Variants in MCPH1 observed in about 807,000 individuals in gnomAD.
MCPH1 encodes the protein microcephalin 1.
In MCPH1, 104 loss-of-function variants were observed where a neutral mutation model predicts 84.5. The ratio of observed to expected loss-of-function variants is 1.23; its 90% confidence interval spans 1.05 to 1.45. MCPH1 has a LOEUF of 1.45. Among genes scored for constraint, MCPH1 ranks in the 40% most tolerant of loss-of-function variants. MCPH1 has a pLI of 0.00. For synonymous variants in MCPH1, 514 were observed against 366.8 expected, an observed-to-expected ratio of 1.40 and a Z score of -4.58; for missense variants, 1,498 against 1,005.7, an observed-to-expected ratio of 1.49 and a Z score of -6.62.
chr8:6,508,617 A>C, intron 12 of MCPH1: 1 of 488,618 alleles, frequency 2.0e-6, no homozygotes, highest in Non-Finnish European at 3.5e-6. Context: ...AATGTAATTA[A>C]ACCATCTCTC....
At chr8:6,568,838 C>A (rs1247968071) in intron 12 of MCPH1, among the ~76,000 whole-genome samples, 1 of 152,342 alleles carries the variant, frequency 6.6e-6, no homozygotes, top group Non-Finnish European at 1.5e-5. Flanking sequence ...GCCTTGGAGG[C>A]GGTGACTGCT....
chr8:6,411,201 G>A (rs1287444033), intron 2 of MCPH1, among the ~76,000 whole-genome samples: 1 of 152,182 alleles, frequency 6.6e-6, no homozygotes, highest in Non-Finnish European at 1.5e-5. Context: ...GTTGGTGGTT[G>A]CAGCCTGTTT....
chr8:6,556,013 G>C (rs1001381670), intron 12 of MCPH1, among the ~76,000 whole-genome samples: 2 of 152,128 alleles, frequency 1.3e-5, no homozygotes, highest in African/African-American at 4.8e-5. Context: ...CTGCTGTGGG[G>C]ACTTGGTATC....
chr8:6,557,167 C>T (rs903951205), intron 12 of MCPH1, among the ~76,000 whole-genome samples: 5 of 152,132 alleles, frequency 3.3e-5, no homozygotes, highest in African/African-American at 7.2e-5. Flanking sequence ...ACGGAAAATT[C>T]TGCTTTTGTC....
chr8:6,627,674 T>C (rs1237479612), intron 13 of MCPH1, among the ~76,000 whole-genome samples: 1 of 151,974 alleles, frequency 6.6e-6, no homozygotes, highest in Non-Finnish European at 1.5e-5. Flanking sequence ...GTGGGTCGTT[T>C]GAGCCCAGCA....
rs563885589 is a variant in MCPH1, at chr8:6,466,929, TTAAAA to T, written c.1936-10664_1936-10660del. 6.6e-5 allele frequency among the ~76,000 whole-genome samples: 10 copies of T among 152,334 alleles called. No individual in the cohort carries two copies. In the South Asian group the frequency reaches 2.1e-3, roughly 32 times the overall value. On this transcript the variant is annotated intron_variant, in intron 9 of 13. Coordinates refer to ENST00000344683, the MANE Select transcript of MCPH1 (RefSeq NM_024596.5). ...CTTACGTCTTTAACTCTTCACACTT[TTAAAA>T]AAGTTATTGCCTTCCAAATAATATT...
At chr8:6,450,440 C>G (rs1249553369) in intron 8 of MCPH1, among the ~76,000 whole-genome samples, 1 of 150,448 alleles carries the variant, frequency 6.6e-6, no homozygotes, top group Admixed American at 6.7e-5. Flanking sequence ...ATCCTTTGAC[C>G]CTGTGGTTTA....
intron 12 of MCPH1, among the ~76,000 whole-genome samples, chr8:6,518,021 C>A (rs115512325): frequency 3.3e-5 from 5 of 151,308 alleles, no homozygotes; most frequent in African/African-American, 1.2e-4. Context: ...ACCTGAGGCT[C>A]ATATAATCCC....
intron 12 of MCPH1, among the ~76,000 whole-genome samples, chr8:6,506,410 T>C (rs1813739588): frequency 1.3e-5 from 2 of 152,170 alleles, no homozygotes; most frequent in African/African-American, 4.8e-5. Flanking sequence ...ACATTCTCAG[T>C]CCCTAAATCT....
At chr8:6,481,669 G>T (rs1384883922) in intron 11 of MCPH1, among the ~76,000 whole-genome samples, 1 of 152,178 alleles carries the variant, frequency 6.6e-6, no homozygotes, top group Non-Finnish European at 1.5e-5. Flanking sequence ...AAGAATGGCC[G>T]TCGTCTTTTT....
At chr8:6,570,517 C>T (rs1378946178) in intron 12 of MCPH1, among the ~76,000 whole-genome samples, 1 of 152,104 alleles carries the variant, frequency 6.6e-6, no homozygotes, top group Non-Finnish European at 1.5e-5. Context: ...ATAGAGTAAG[C>T]GCAGGAGTTA....
At chr8:6,592,347 A>G (rs1168697455) in intron 12 of MCPH1, among the ~76,000 whole-genome samples, 1 of 151,964 alleles carries the variant, frequency 6.6e-6, no homozygotes, top group Non-Finnish European at 1.5e-5. Flanking sequence ...GGGTTTTGCC[A>G]TGTTGCTCAG....
chr8:6,549,101 A>G (rs1007438244), intron 12 of MCPH1, among the ~76,000 whole-genome samples: 1 of 152,252 alleles, frequency 6.6e-6, no homozygotes, highest in Non-Finnish European at 1.5e-5. Flanking sequence ...CAGTCAAAAC[A>G]GCTTTCAGTC....
chr8:6,580,378 C>T (rs1057135443), intron 12 of MCPH1, among the ~76,000 whole-genome samples: 2 of 152,164 alleles, frequency 1.3e-5, no homozygotes, highest in African/African-American at 2.4e-5. Flanking sequence ...GAGTTGGGGC[C>T]AGGCATGGTG....
intron 11 of MCPH1, among the ~76,000 whole-genome samples, chr8:6,485,299 T>C (rs1809747773): frequency 6.6e-6 from 1 of 151,912 alleles, no homozygotes; most frequent in East Asian, 1.9e-4. Context: ...CACTCCAGCC[T>C]GGGTGACAGA....
intron 12 of MCPH1, among the ~76,000 whole-genome samples, chr8:6,577,754 C>A (rs1416437471): frequency 6.6e-6 from 1 of 152,186 alleles, no homozygotes; most frequent in African/African-American, 2.4e-5. Flanking sequence ...TGTGAGACAC[C>A]GTGCTACTTG....
chr8:6,621,794 C>T, intron 13 of MCPH1, 103 bp downstream of exon 13: 5 of 1,503,520 alleles, frequency 3.3e-6, no homozygotes, highest in South Asian at 1.1e-5. Flanking sequence ...GCAGCTGGGG[C>T]ACCTGGGTTG....
At chr8:6,418,562 G>T (rs946590391) in intron 3 of MCPH1, among the ~76,000 whole-genome samples, 1 of 152,024 alleles carries the variant, frequency 6.6e-6, no homozygotes, top group Non-Finnish European at 1.5e-5. Flanking sequence ...TCTTTTTGGA[G>T]ACTCCTTAGG....
Position 6,539,689 on chromosome 8 carries a change from C to T in MCPH1, c.2214+39760C>T, listed in dbSNP as rs530815554. Among the ~76,000 whole-genome samples, 30 of 152,268 alleles carry T rather than the reference C, an allele frequency of 2.0e-4. 1 individual carries two copies. The highest frequency in any genetic ancestry group is 1.7e-3 in the South Asian group (8 of 4,820). ...GCAACCTCTGCCTCCCTGGTTCAAA[C>T]GATTCTCCCGCCTCAGCTTCCCAAG... On this transcript the variant is annotated intron_variant, in intron 12 of 13. Coordinates refer to ENST00000344683, the MANE Select transcript of MCPH1 (RefSeq NM_024596.5).
Sources: gnomAD v4.1 joint callset for allele counts (sites outside exome capture counted in the v4.1 genomes callset) on GRCh38, gnomAD v4.1.1 for gene constraint, MANE v1.5 for transcripts, NCBI Gene and HGNC (gene_info 2026-07-23, HGNC 2026-07-21) for gene names.